SERPINI1: variants seen among roughly 807,000 people sequenced by gnomAD.
SERPINI1 encodes neuroserpin.
Under a neutral mutation model 41.1 loss-of-function variants are expected in SERPINI1, and 19 were observed. The ratio of observed to expected loss-of-function variants is 0.46; its 90% confidence interval spans 0.32 to 0.68. The LOEUF is 0.68. Among genes scored for constraint, SERPINI1 ranks in the 30% least tolerant of loss-of-function variants. The probability of loss-of-function intolerance (pLI) is 0.03; values close to 1 mark genes in which losing one functional copy is unlikely to be tolerated. For missense variants in SERPINI1, 460 were observed against 479.2 expected (o/e 0.96, Z 0.37); for synonymous variants, 138 against 156.6 (o/e 0.88, Z 0.89).
intron 2 of SERPINI1, among the ~76,000 whole-genome samples, 162 bp from the exon 3 acceptor site, chr3:167,790,210 A>G (rs571466438): frequency 1.3e-5 from 2 of 152,342 alleles, no homozygotes; most frequent in Non-Finnish European, 2.9e-5. Context: ...ATCTAGAAAT[A>G]GTACAAGTAT....
At chr3:167,768,307 G>T (rs541271367) in intron 1 of SERPINI1, among the ~76,000 whole-genome samples, 10 of 152,282 alleles carry the variant, frequency 6.6e-5, no homozygotes, top group African/African-American at 2.2e-4. Context: ...TTACATTAAG[G>T]TATGTGCCTT....
chr3:167,791,238 A>G lies in SERPINI1; in HGVS notation c.481+636A>G, dbSNP rs1727498065. On this transcript the variant is annotated intron_variant, in intron 3 of 8. Coordinates refer to ENST00000446050, the MANE Select transcript of SERPINI1 (RefSeq NM_001122752.2). ...TTACCAGCAAAATAATTGAAATCACAGTCCTAAAATTGAGACTAAATTAAA... is the reference window on the plus strand; with the variant it reads ...TTACCAGCAAAATAATTGAAATCACGGTCCTAAAATTGAGACTAAATTAAA... Among the ~76,000 whole-genome samples the G allele has an allele frequency of 3.3e-5, 5 of 152,286 alleles. No homozygotes were observed. In the South Asian group the frequency reaches 1.0e-3, roughly 32 times the overall value.
At chr3:167,800,091 T>A (rs766598399) in intron 5 of SERPINI1, 2 of 152,194 alleles carry the variant, frequency 1.3e-5, no homozygotes, top group Non-Finnish European at 2.9e-5. Flanking sequence ...ATTGTATTTT[T>A]ATCCAAAATA....
At chr3:167,767,409 C>T (rs1489401394) in intron 1 of SERPINI1, among the ~76,000 whole-genome samples, 2 of 152,172 alleles carry the variant, frequency 1.3e-5, no homozygotes, top group Non-Finnish European at 2.9e-5. Context: ...TGGAAATGTA[C>T]ATGGAGATTA....
intron 6 of SERPINI1, among the ~76,000 whole-genome samples, chr3:167,819,056 T>TG (rs1347194991): frequency 7.9e-5 from 12 of 152,318 alleles, no homozygotes; most frequent in Middle Eastern, 3.4e-3. Flanking sequence ...CTGATGAAAA[T>TG]GGGCAGCAGA....
chr3:167,760,348 A>AATATATATATATATATATAT (rs35053492), intron 1 of SERPINI1, among the ~76,000 whole-genome samples: 28 of 147,512 alleles, frequency 1.9e-4, no homozygotes, highest in African/African-American at 6.7e-4. Context: ...ACTAATTTCA[A>AATATATATATATATATATAT]ATATATATAT....
intron 6 of SERPINI1, among the ~76,000 whole-genome samples, chr3:167,815,237 A>G (rs1712038209): frequency 6.6e-6 from 1 of 152,032 alleles, no homozygotes; most frequent in Non-Finnish European, 1.5e-5. Flanking sequence ...TACTTCTAAG[A>G]TTTTGTGGCT....
intron 1 of SERPINI1, among the ~76,000 whole-genome samples, chr3:167,756,087 G>A (rs1235215879): frequency 4.3e-5 from 6 of 138,784 alleles, no homozygotes; most frequent in South Asian, 2.7e-4. Context: ...TCCTGCCCAC[G>A]AATGATCAAA....
chr3:167,758,169 C>A (rs560481634), intron 1 of SERPINI1, among the ~76,000 whole-genome samples: 2 of 135,668 alleles, frequency 1.5e-5, no homozygotes, highest in Admixed American at 1.4e-4. Flanking sequence ...TGCCCTGTGT[C>A]CCCTGATACC....
At chr3:167,772,860 C>A (rs374962248) in intron 1 of SERPINI1, among the ~76,000 whole-genome samples, 95 of 23,398 alleles carry the variant, frequency 4.1e-3, no homozygotes, top group South Asian at 8.0e-3. Flanking sequence ...CTCTCTCTCT[C>A]TCTCTATATA....
At chr3:167,737,051 CTTG>C (rs1244485747) in intron 1 of SERPINI1, among the ~76,000 whole-genome samples, 1 of 151,622 alleles carries the variant, frequency 6.6e-6, no homozygotes, top group African/African-American at 2.4e-5. Flanking sequence ...GAGTAATTGT[CTTG>C]TTTTCTCCTA....
chr3:167,783,163 CCAT>C (rs1727196049), intron 1 of SERPINI1, among the ~76,000 whole-genome samples: 3 of 152,044 alleles, frequency 2.0e-5, no homozygotes. Flanking sequence ...GAAACCAGAA[CCAT>C]TGGTATAGTC....
At chr3:167,791,226 A>T (rs1263658449) in intron 3 of SERPINI1, among the ~76,000 whole-genome samples, 1 of 152,168 alleles carries the variant, frequency 6.6e-6, no homozygotes, top group Non-Finnish European at 1.5e-5. Flanking sequence ...CCAGCAAAAT[A>T]ATTGAAATCA....
At chr3:167,763,216 G>T (rs1726442526) in intron 1 of SERPINI1, among the ~76,000 whole-genome samples, 1 of 151,944 alleles carries the variant, frequency 6.6e-6, no homozygotes, top group Non-Finnish European at 1.5e-5. Context: ...TTGATGTTAG[G>T]CAATAATGCT....
intron 6 of SERPINI1, among the ~76,000 whole-genome samples, chr3:167,809,125 G>C (rs747473428): frequency 9.2e-5 from 14 of 152,116 alleles, no homozygotes; most frequent in African/African-American, 3.4e-4. Flanking sequence ...AGCTTCTAGG[G>C]CTCTGAACTC....
At chr3:167,752,568 T>C (rs75130505) in intron 1 of SERPINI1, among the ~76,000 whole-genome samples, 4,274 of 152,100 alleles carry the variant, frequency 0.028, 91 homozygotes, top group Non-Finnish European at 0.042. Context: ...TCAACTATCT[T>C]CTCTCACCTG....
At chr3:167,812,495 C>T (rs1459565168) in intron 6 of SERPINI1, among the ~76,000 whole-genome samples, 1 of 152,168 alleles carries the variant, frequency 6.6e-6, no homozygotes, top group Non-Finnish European at 1.5e-5. Context: ...ATGACTACAC[C>T]AACCAGAAGT....
At chr3:167,773,832 C>T (rs147855516) in intron 1 of SERPINI1, among the ~76,000 whole-genome samples, 1 of 152,302 alleles carries the variant, frequency 6.6e-6, no homozygotes, top group East Asian at 1.9e-4. Flanking sequence ...ACTTTTGACA[C>T]ATTCTTTGTT....
chr3:167,794,926 T>A, intron 5 of SERPINI1, 102 bp downstream of exon 5: 1 of 837,372 alleles, frequency 1.2e-6, no homozygotes, highest in South Asian at 1.4e-5. Flanking sequence ...ATTATAATTC[T>A]TGTGCCACTC....
Sources: allele counts gnomAD v4.1 joint callset (sites outside exome capture counted in the v4.1 genomes callset), GRCh38; gene constraint gnomAD v4.1.1; transcripts MANE v1.5; gene names NCBI Gene and HGNC (gene_info 2026-07-23, HGNC 2026-07-21).